Variants in CBL observed in about 807,000 individuals in gnomAD.
CBL encodes the protein E3 ubiquitin-protein ligase CBL.
CBL carries 45 observed loss-of-function variants against 96.9 expected under a neutral mutation model. That is an observed-to-expected ratio of 0.46 (90% CI 0.37 to 0.60). CBL has a LOEUF of 0.60. CBL is among the 20% of genes least tolerant of loss of function. The pLI is 0.00. For synonymous variants in CBL, 420 were observed against 426.8 expected (o/e 0.98, Z 0.20); for missense variants, 1,024 against 1,143.5 (o/e 0.90, Z 1.51).
intron 1 of CBL, among the ~76,000 whole-genome samples, chr11:119,215,255 T>C (rs1040381167): frequency 2.6e-5 from 4 of 152,144 alleles, no homozygotes; most frequent in African/African-American, 4.8e-5. Context: ...AGTATACATA[T>C]AATGAACCTG....
chr11:119,251,680 T>C (rs1203736791), intron 2 of CBL, among the ~76,000 whole-genome samples: 1 of 152,206 alleles, frequency 6.6e-6, no homozygotes, highest in African/African-American at 2.4e-5. Context: ...GAACATAGGC[T>C]AGATGATGCA....
intron 6 of CBL, among the ~76,000 whole-genome samples, 192 bp downstream of exon 6, chr11:119,276,326 A>G (rs1438358561): frequency 6.6e-6 from 1 of 152,200 alleles, no homozygotes; most frequent in East Asian, 1.9e-4. Context: ...CCATGAGTGA[A>G]ATTATTCTCT....
rs577801428 is a variant in CBL, at chr11:119,245,693, C to T, written c.443+12998C>T. 7.9e-5 allele frequency among the ~76,000 whole-genome samples: 12 copies of T among 152,136 alleles called. No individual in the cohort carries two copies. The South Asian group carries it at 8.3e-4, about 11-fold the overall frequency. On this transcript the variant is annotated intron_variant, in intron 2 of 15. Transcript: ENST00000264033. ...GCAGTGAGCTGAGATTGTGCCATTGCGCTCCAGCCTGGGTGCCAAGAGCAA... is the reference window on the plus strand; with the variant it reads ...GCAGTGAGCTGAGATTGTGCCATTGTGCTCCAGCCTGGGTGCCAAGAGCAA...
At chr11:119,209,342 GC>G (rs138057971) in intron 1 of CBL, among the ~76,000 whole-genome samples, 2,354 of 152,302 alleles carry the variant, frequency 0.015, 23 homozygotes, top group Middle Eastern at 0.041. Flanking sequence ...TCTGGGCCGG[GC>G]CCCGTGGCTC....
intron 15 of CBL, among the ~76,000 whole-genome samples, chr11:119,298,758 CTCT>C (rs758575311): frequency 2.6e-5 from 4 of 152,218 alleles, no homozygotes; most frequent in South Asian, 2.1e-4. Context: ...TAAACTCTGG[CTCT>C]TCTTATGTTA....
chr11:119,261,036 C>G (rs1422330459), intron 2 of CBL, among the ~76,000 whole-genome samples: 1 of 149,184 alleles, frequency 6.7e-6, no homozygotes, highest in Non-Finnish European at 1.5e-5. Flanking sequence ...CCTCAGCTAT[C>G]CGAGTAGCTG....
chr11:119,258,242 A>G (rs1949725951), intron 2 of CBL, among the ~76,000 whole-genome samples: 1 of 152,150 alleles, frequency 6.6e-6, no homozygotes, highest in African/African-American at 2.4e-5. Flanking sequence ...AACAAAACAA[A>G]ACAAAAAACA....
intron 2 of CBL, among the ~76,000 whole-genome samples, chr11:119,254,608 T>C (rs74640187): frequency 6.8e-6 from 1 of 146,010 alleles, no homozygotes; most frequent in East Asian, 2.0e-4. Flanking sequence ...TTTTTTTATC[T>C]TTTTTTTTTT....
At position 119,242,757 on chromosome 11, in the gene CBL, A is replaced by G. The variant is rs549867967; in HGVS notation, c.443+10062A>G. On this transcript the variant is annotated intron_variant, in intron 2 of 15. Coordinates refer to ENST00000264033, the MANE Select transcript of CBL (RefSeq NM_005188.4). The stretch of plus-strand genomic sequence containing the variant: ...CTGACTCTTTAAAAAAAAAAAAAAA[A>G]AAAAGAAACCAGTTTGCTAGGCCTA... Among the ~76,000 whole-genome samples, 861 of 151,238 alleles carry G rather than the reference A, an allele frequency of 5.7e-3. 8 individuals carry two copies. Among genetic ancestry groups the G allele is most frequent in the South Asian group, 0.016 (77 of 4,778 alleles).
chr11:119,261,632 G>A (rs1949754843), intron 2 of CBL, among the ~76,000 whole-genome samples: 1 of 152,178 alleles, frequency 6.6e-6, no homozygotes, highest in Admixed American at 6.5e-5. Flanking sequence ...TTAAGGAACT[G>A]GTGTAGAGAA....
intron 2 of CBL, among the ~76,000 whole-genome samples, chr11:119,253,949 G>A (rs1949691249): frequency 7.3e-6 from 1 of 136,814 alleles, no homozygotes; most frequent in African/African-American, 2.7e-5. Flanking sequence ...GAGGCCAGGA[G>A]TTTGAGTACA....
At chr11:119,278,792 A>G (rs979814918) in intron 9 of CBL, 79 bp downstream of exon 9, 35 of 1,018,906 alleles carry the variant, frequency 3.4e-5, no homozygotes, top group Non-Finnish European at 5.0e-5. Flanking sequence ...ACGATATCCA[A>G]ACTACAATGA....
intron 1 of CBL, among the ~76,000 whole-genome samples, chr11:119,221,879 C>G (rs1378746657): frequency 6.6e-6 from 1 of 151,884 alleles, no homozygotes; most frequent in East Asian, 1.9e-4. Flanking sequence ...ATAAATTGAT[C>G]TAACTCTTTC....
In CBL at chr11:119,299,639, A is replaced by T. The variant is rs1950087188; in HGVS notation, c.2579A>T (p.Glu860Val). The change falls in exon 16 of 16, where the codon GAG becomes GTG. Residue 860 changes from glutamate to valine, a missense_variant. Glu to Val is a moderately radical substitution (Grantham distance 121). Around this residue, in one of 4 missense-constraint regions of CBL, gnomAD observed 695 missense variants for 661.6 expected, o/e 1.05. Coordinates refer to ENST00000264033, the MANE Select transcript of CBL (RefSeq NM_005188.4). ...ACCGCCTCACCTCAGCTCTCCAGTG[A>T]GATCGAGAACCTCATGAGTCAGGGG... ...AATASPQLSS[E>V]IENLMSQGYS... 1 of 1,614,184 alleles carries T rather than the reference A, an allele frequency of 6.2e-7. No homozygotes were observed. The highest frequency in any genetic ancestry group is 1.7e-5 in the Admixed American group (1 of 60,028).
chr11:119,221,766 CAAAAAAAA>C (rs199581991), intron 1 of CBL, among the ~76,000 whole-genome samples: 18 of 62,028 alleles, frequency 2.9e-4, no homozygotes, highest in African/African-American at 1.0e-3. Flanking sequence ...GACTCCGTCT[CAAAAAAAA>C]AAAAAAAAGC....
chr11:119,285,660 C>A, intron 11 of CBL, 94 bp downstream of exon 11: 1 of 1,407,448 alleles, frequency 7.1e-7, no homozygotes, highest in Non-Finnish European at 9.8e-7. Context: ...ATTTGGGAGG[C>A]CAAGGTGGGT....
At chr11:119,282,955 CAT>C (rs1329168095) in intron 9 of CBL, among the ~76,000 whole-genome samples, 3 of 151,328 alleles carry the variant, frequency 2.0e-5, no homozygotes, top group South Asian at 2.1e-4. Flanking sequence ...AAAAAAGCCA[CAT>C]GTGGTGGCGC....
chr11:119,262,436 G>A (rs1265733086), intron 2 of CBL, among the ~76,000 whole-genome samples: 3 of 152,188 alleles, frequency 2.0e-5, no homozygotes, highest in Non-Finnish European at 4.4e-5. Context: ...TAGTTTTGAA[G>A]AATGTCCCAC....
At position 119,297,384 on chromosome 11, in the gene CBL, A is replaced by G. The variant is rs1427893736; in HGVS notation, c.2154A>G (p.Arg718=). 1 of 1,610,246 alleles carries G rather than the reference A, an allele frequency of 6.2e-7. No individual in the cohort carries two copies. The highest frequency in any genetic ancestry group is 1.1e-5 in the South Asian group (1 of 90,998). The change falls in exon 14 of 16, where the codon CGA becomes CGG. Residue 718 remains arginine, a splice_region_variant and synonymous_variant. Transcript: ENST00000264033. ...LRPLDTSQSS[R]ACDCDQQIDS... ...TTATGGCACTTTCCTTCTGGTTCAG[A>G]GCATGTGATTGCGACCAGCAGATTG...
Sources: gnomAD v4.1 joint callset for allele counts (sites outside exome capture counted in the v4.1 genomes callset) on GRCh38, gnomAD v4.1.1 for gene constraint, gnomAD v4.1.1 regional missense constraint, MANE v1.5 for transcripts, NCBI Gene and HGNC (gene_info 2026-07-23, HGNC 2026-07-21) for gene names.